The following ADIPOR2 variants were observed in gnomAD, a reference collection of about 807,000 sequenced individuals.
ADIPOR2 encodes the protein adiponectin receptor protein 2.
A neutral mutation model predicts 40.9 loss-of-function variants in ADIPOR2; 18 were observed. The ratio of observed to expected loss-of-function variants is 0.44; its 90% CI spans 0.30 to 0.65. ADIPOR2 has a LOEUF of 0.65. Among genes scored for constraint, ADIPOR2 ranks in the 30% least tolerant of loss-of-function variants. The probability of loss-of-function intolerance (pLI) is 0.09; values close to 1 mark genes in which losing one functional copy is unlikely to be tolerated. For missense variants in ADIPOR2, 283 were observed against 479.2 expected, an observed-to-expected ratio of 0.59 and a Z score of 3.82; for synonymous variants, 165 against 166.4, an observed-to-expected ratio of 0.99 and a Z score of 0.06.
In ADIPOR2 at chr12:1,771,954, A is replaced by G. The variant is rs141915170; in HGVS notation, c.172-888A>G. 4.4e-3 allele frequency among the ~76,000 whole-genome samples: 675 copies of G among 152,334 alleles called. 4 individuals carry two copies. Among genetic ancestry groups the G allele is most frequent in the African/African-American group, 0.016 (648 of 41,580 alleles). On this transcript the variant is annotated intron_variant, in intron 2 of 7. Transcript: ENST00000357103. ...CTGTAGAGATTGTTTAAACTCCTCC[A>G]TTGATACATAGGGAGAAAATGGACC...
At chr12:1,703,591 C>T (rs941550569) in intron 1 of ADIPOR2, among the ~76,000 whole-genome samples, 4 of 151,850 alleles carry the variant, frequency 2.6e-5, no homozygotes, top group Admixed American at 1.3e-4. Context: ...AAAAAATTAG[C>T]CAAGTGTGGT....
intron 1 of ADIPOR2, chr12:1,696,287 C>T: frequency 6.2e-6 from 1 of 160,616 alleles, no homozygotes; most frequent in African/African-American, 2.4e-5. Flanking sequence ...GCAGTTTCTA[C>T]TTGTCAACAG....
At chr12:1,741,002 C>T (rs887125167) in intron 1 of ADIPOR2, among the ~76,000 whole-genome samples, 1 of 152,094 alleles carries the variant, frequency 6.6e-6, no homozygotes, top group Admixed American at 6.5e-5. Flanking sequence ...AGTTCCCAGG[C>T]ATGTTTCTAG....
chr12:1,747,474 A>AG (rs2094758146), intron 1 of ADIPOR2, among the ~76,000 whole-genome samples: 1 of 152,250 alleles, frequency 6.6e-6, no homozygotes. Context: ...TTAAGACAAA[A>AG]GGTAAACATT....
In ADIPOR2 at chr12:1,788,390, ACT is replaced by A. The variant is rs1204300718; in HGVS notation, c.*2322_*2323del. The A allele has an allele frequency of 2.0e-5, 3 of 152,466 alleles. No individual in the cohort carries two copies. The highest frequency in any genetic ancestry group is 7.3e-5 in the African/African-American group (3 of 41,368). The allele number at this position is 152,466 out of a possible 1,614,324, so 9.4% of individuals were successfully genotyped here. ...CACCAGGTTGGCGCCTGAATGCCTT[ACT>A]CTCAGCAGTCAGAGGCTTGCTTGCT... On this transcript the variant is annotated 3_prime_UTR_variant, in exon 8 of 8. Coordinates refer to ENST00000357103, the MANE Select transcript of ADIPOR2 (RefSeq NM_024551.3).
At chr12:1,706,492 A>G (rs556112177) in intron 1 of ADIPOR2, among the ~76,000 whole-genome samples, 1 of 152,342 alleles carries the variant, frequency 6.6e-6, no homozygotes, top group African/African-American at 2.4e-5. Flanking sequence ...GGAGGCTACT[A>G]TTACTTGGCT....
chr12:1,738,717 C>T (rs971326164), intron 1 of ADIPOR2, among the ~76,000 whole-genome samples: 1 of 152,170 alleles, frequency 6.6e-6, no homozygotes, highest in South Asian at 2.1e-4. Context: ...TTGTCAGCCT[C>T]ACACATATTT....
chr12:1,770,999 T>C (rs1862482987), intron 2 of ADIPOR2, among the ~76,000 whole-genome samples: 1 of 152,144 alleles, frequency 6.6e-6, no homozygotes, highest in Non-Finnish European at 1.5e-5. Flanking sequence ...ATCTGTGTTA[T>C]TAAAATTCAT....
intron 1 of ADIPOR2, among the ~76,000 whole-genome samples, chr12:1,747,407 A>C (rs1436121643): frequency 1.3e-5 from 2 of 148,268 alleles, no homozygotes; most frequent in Non-Finnish European, 3.1e-5. Flanking sequence ...ACAGCATACC[A>C]AAACTTAGGG....
chr12:1,709,771 G>T (rs1030674785), intron 1 of ADIPOR2, among the ~76,000 whole-genome samples: 11 of 152,140 alleles, frequency 7.2e-5, no homozygotes, highest in African/African-American at 2.2e-4. Flanking sequence ...AAAGTAGAAA[G>T]TGCTTGAGTA....
chr12:1,782,988 T>C (rs1290323490), intron 6 of ADIPOR2, among the ~76,000 whole-genome samples: 9 of 66,834 alleles, frequency 1.3e-4, no homozygotes, highest in Admixed American at 5.1e-4. Context: ...TTTTTTTTTT[T>C]TTTTTTTTTT....
intron 1 of ADIPOR2, chr12:1,697,034 A>T (rs956816190): frequency 6.6e-6 from 1 of 152,234 alleles, no homozygotes; most frequent in Non-Finnish European, 1.5e-5. Flanking sequence ...GATTTCTGTT[A>T]CTTCTCTGTG....
At chr12:1,708,178 A>G (rs1403054064) in intron 1 of ADIPOR2, among the ~76,000 whole-genome samples, 3 of 146,650 alleles carry the variant, frequency 2.0e-5, no homozygotes, top group Admixed American at 7.0e-5. Context: ...GTGCATATGC[A>G]AATATGGGTT....
intron 1 of ADIPOR2, among the ~76,000 whole-genome samples, chr12:1,726,005 GT>G (rs2094707214): frequency 6.6e-6 from 1 of 152,042 alleles, no homozygotes; most frequent in Non-Finnish European, 1.5e-5. Flanking sequence ...CCTACAATCT[GT>G]TGGTTTTAAA....
chr12:1,754,291 A>G lies in ADIPOR2; in HGVS notation c.-53A>G, dbSNP rs375897525. On this transcript the variant is annotated 5_prime_UTR_variant, in exon 2 of 8. Coordinates refer to ENST00000357103, the MANE Select transcript of ADIPOR2 (RefSeq NM_024551.3). Reference sequence around the variant, plus strand: ...CACTATCCTGAAGGTCCATTCTCCCAAGAAGAGGGGACAGAAAGACAGATC... The same window carrying G: ...CACTATCCTGAAGGTCCATTCTCCCGAGAAGAGGGGACAGAAAGACAGATC... 3.7e-5 allele frequency: 55 copies of G among 1,489,234 alleles called. No individual in the cohort carries two copies. The East Asian group carries it at 4.3e-4, about 12-fold the overall frequency. The allele number at this position is 1,489,234 out of a possible 1,614,324, so 92.3% of individuals were successfully genotyped here.
At chr12:1,736,214 C>G (rs1010290898) in intron 1 of ADIPOR2, among the ~76,000 whole-genome samples, 4 of 152,078 alleles carry the variant, frequency 2.6e-5, no homozygotes, top group Non-Finnish European at 2.9e-5. Flanking sequence ...GCTGTGAATC[C>G]ATCTGGTCCT....
Position 1,705,466 on chromosome 12 carries a change from C to G in ADIPOR2, c.-87+14275C>G, listed in dbSNP as rs370064972. On this transcript the variant is annotated intron_variant, in intron 1 of 7. Transcript: ENST00000357103. ...AAGTGGAAAATTCCATACCTGACTT[C>G]CAGTGACAAGTTGCAGTCAGAACTT... 2.3e-4 allele frequency among the ~76,000 whole-genome samples: 35 copies of G among 152,266 alleles called. 2 individuals are homozygous for G. In the South Asian group the frequency reaches 7.0e-3, roughly 31 times the overall value.
chr12:1,720,215 A>G (rs934740617), intron 1 of ADIPOR2, among the ~76,000 whole-genome samples: 1 of 152,136 alleles, frequency 6.6e-6, no homozygotes, highest in Non-Finnish European at 1.5e-5. Flanking sequence ...TTGATGTGTG[A>G]ATAGTAGTTT....
At chr12:1,757,979 C>A in intron 2 of ADIPOR2, 2 of 1,057,422 alleles carry the variant, frequency 1.9e-6, no homozygotes, top group East Asian at 2.4e-5. Context: ...GAGCTGCTGC[C>A]CACTTCAGAT....
Sources: gnomAD v4.1 joint callset for allele counts (sites outside exome capture counted in the v4.1 genomes callset) on GRCh38, gnomAD v4.1.1 for gene constraint, MANE v1.5 for transcripts, NCBI Gene and HGNC (gene_info 2026-07-23, HGNC 2026-07-21) for gene names.